AFF2: variants seen among roughly 807,000 people sequenced by gnomAD.
AFF2 encodes AF4/FMR2 family member 2.
Under a neutral mutation model 76.9 loss-of-function variants are expected in AFF2, and 14 were observed. That is an observed-to-expected ratio of 0.18 (90% CI 0.12 to 0.28). AFF2 has a LOEUF of 0.28. Among genes scored for constraint, AFF2 ranks in the 10% least tolerant of loss-of-function variants. AFF2 has a pLI of 1.00. For missense variants in AFF2, 868 were observed against 1,001.1 expected (o/e 0.87, Z 1.79); for synonymous variants, 398 against 366.7 (o/e 1.09, Z -0.98).
chrX:148,729,407 G>A (rs182441365), intron 3 of AFF2, among the ~76,000 whole-genome samples: 52 of 112,000 alleles, frequency 4.6e-4, no homozygotes, highest in African/African-American at 1.4e-3. Context: ...GGGCATGGTC[G>A]GGAAGGGAGA....
At chrX:148,927,671 A>C (rs1480349732) in intron 9 of AFF2, among the ~76,000 whole-genome samples, 1 of 111,915 alleles carries the variant, frequency 8.9e-6, no homozygotes, top group African/African-American at 3.2e-5. Flanking sequence ...GCTCACAGGC[A>C]AGAGGGATGT....
Position 148,953,561 on chromosome X carries a change from T to C in AFF2, c.1398-19T>C, listed in dbSNP as rs2071994532. ...TTTGAGAGTAAATGAGGCAATGAAT[T>C]ATGTTGTTTTTCTTTCAGCCCACCC... is the stretch of plus-strand genomic sequence containing the variant. On this transcript the variant is annotated intron_variant, in intron 9 of 20. Coordinates refer to ENST00000370460, the MANE Select transcript of AFF2 (RefSeq NM_002025.4). 1.7e-6 allele frequency: 2 copies of C among 1,196,056 alleles called. No individual in the cohort carries two copies. The highest frequency in any genetic ancestry group is 2.3e-6 in the Non-Finnish European group (2 of 887,539).
intron 3 of AFF2, among the ~76,000 whole-genome samples, chrX:148,707,361 T>G (rs1557262486): frequency 9.0e-6 from 1 of 111,501 alleles, no homozygotes; most frequent in Non-Finnish European, 1.9e-5. Flanking sequence ...GGCATTAACA[T>G]ATTAATCTTT....
At chrX:148,575,105 A>G (rs2053273373) in intron 1 of AFF2, among the ~76,000 whole-genome samples, 2 of 110,655 alleles carry the variant, frequency 1.8e-5, no homozygotes, top group African/African-American at 6.6e-5. Context: ...TACCTAGCAG[A>G]TTCAATAGGT....
intron 1 of AFF2, among the ~76,000 whole-genome samples, chrX:148,570,566 A>G (rs1229070525): frequency 9.0e-6 from 1 of 111,713 alleles, no homozygotes; most frequent in Non-Finnish European, 1.9e-5. Context: ...CAATCCTTCT[A>G]CCTGAGACAC....
chrX:148,772,822 A>G (rs2069606512), intron 3 of AFF2, among the ~76,000 whole-genome samples: 1 of 111,241 alleles, frequency 9.0e-6, no homozygotes, highest in African/African-American at 3.3e-5. Context: ...TGAGCAGCAA[A>G]TAATAACTAA....
chrX:148,812,494 C>G lies in AFF2; in HGVS notation c.1086+2574C>G, dbSNP rs142051544. On this transcript the variant is annotated intron_variant, in intron 4 of 20. Coordinates refer to ENST00000370460, the MANE Select transcript of AFF2 (RefSeq NM_002025.4). ...TTCAGTTTCTTCATCTAGAAGCATGCGCTAGTTATTACCCCGCCCATCTCT... is the reference window on the plus strand; with the variant it reads ...TTCAGTTTCTTCATCTAGAAGCATGGGCTAGTTATTACCCCGCCCATCTCT... 3.3e-3 allele frequency among the ~76,000 whole-genome samples: 363 copies of G among 111,001 alleles called. 2 individuals carry two copies. The highest frequency in any genetic ancestry group is 0.011 in the African/African-American group (340 of 30,546).
At chrX:148,748,587 A>T (rs1381025582) in intron 3 of AFF2, among the ~76,000 whole-genome samples, 2 of 111,828 alleles carry the variant, frequency 1.8e-5, no homozygotes, top group Non-Finnish European at 3.8e-5. Context: ...TTCCAATATA[A>T]GCAGTCAGTG....
At chrX:148,963,911 T>C (rs967233297) in intron 13 of AFF2, among the ~76,000 whole-genome samples, 19 of 112,180 alleles carry the variant, frequency 1.7e-4, no homozygotes, top group African/African-American at 6.2e-4. Context: ...CTTTATTTTC[T>C]TCGTATCCAT....
At chrX:148,641,055 A>C (rs1046026323) in intron 1 of AFF2, among the ~76,000 whole-genome samples, 13 of 111,726 alleles carry the variant, frequency 1.2e-4, no homozygotes, top group Non-Finnish European at 2.3e-4. Context: ...TCTGCACTGC[A>C]ATTGTTTTGG....
At chrX:148,919,952 C>A (rs782332142) in intron 9 of AFF2, among the ~76,000 whole-genome samples, 1 of 112,001 alleles carries the variant, frequency 8.9e-6, no homozygotes, top group South Asian at 3.7e-4. Flanking sequence ...AAATTATGTT[C>A]TTGGATTTGG....
intron 8 of AFF2, among the ~76,000 whole-genome samples, chrX:148,895,312 A>G (rs1385033083): frequency 1.2e-4 from 13 of 111,701 alleles, no homozygotes; most frequent in Non-Finnish European, 3.8e-5. Context: ...CAGGGAACCA[A>G]GTTACAATTG....
chrX:148,891,912 A>G lies in AFF2; in HGVS notation c.1359+5927A>G, dbSNP rs181708180. 5.3e-5 allele frequency among the ~76,000 whole-genome samples: 6 copies of G among 112,226 alleles called. 1 individual carries two copies. In the East Asian group the frequency reaches 1.7e-3, roughly 32 times the overall value. On this transcript the variant is annotated intron_variant, in intron 8 of 20. Transcript: ENST00000370460. ...ATGAATTAGATTGAAATATTAGATGACTTCATTTAGCACAGTTAGAAGTTC... is the reference window on the plus strand; with the variant it reads ...ATGAATTAGATTGAAATATTAGATGGCTTCATTTAGCACAGTTAGAAGTTC...
At chrX:148,986,081 T>G (rs192254562) in intron 19 of AFF2, among the ~76,000 whole-genome samples, 94 of 74,134 alleles carry the variant, frequency 1.3e-3, no homozygotes, top group African/African-American at 5.1e-3. Flanking sequence ...AAAACTAGAG[T>G]TGCCAACAAT....
intron 1 of AFF2, among the ~76,000 whole-genome samples, chrX:148,543,136 G>A (rs985645889): frequency 1.8e-5 from 2 of 111,433 alleles, no homozygotes; most frequent in Non-Finnish European, 3.8e-5. Context: ...TGGAACAGCA[G>A]CATCGACCTC....
intron 9 of AFF2, among the ~76,000 whole-genome samples, chrX:148,921,232 A>G (rs7060486): frequency 0.096 from 10,706 of 112,055 alleles, 1,225 homozygotes; most frequent in African/African-American, 0.33. Flanking sequence ...GGGGATTTTG[A>G]GATCATTACA....
rs782589327 is a variant in AFF2, at chrX:148,661,948, C to T, written c.221C>T (p.Thr74Met). 7.5e-6 allele frequency: 9 copies of T among 1,205,734 alleles called. No individual in the cohort carries two copies. The South Asian group carries it at 1.1e-4, about 14-fold the overall frequency. ...GDALANRVQN[T>M]LGNYDEMKNL... is the part of the protein sequence containing the mutation. The stretch of plus-strand genomic sequence containing the variant: ...GCACTTGCCAACCGAGTCCAGAACA[C>T]GCTTGGAAACTATGATGAAATGAAG... Residue 74 changes from threonine to methionine, a missense_variant, in exon 3 of 21, where the codon ACG (threonine) becomes ATG (methionine). By Grantham distance (81) the Thr-to-Met change is moderately conservative. Around this residue, in one of 6 missense-constraint regions of AFF2, gnomAD observed 196 missense variants for 194.8 expected, o/e 1.01. Transcript: ENST00000370460.
chrX:148,873,526 A>T (rs1165476569), intron 7 of AFF2, among the ~76,000 whole-genome samples: 3 of 106,952 alleles, frequency 2.8e-5, no homozygotes, highest in Non-Finnish European at 5.8e-5. Context: ...TCCTTATCAG[A>T]TATATGACCC....
At chrX:148,963,724 G>A (rs781926058) in intron 13 of AFF2, among the ~76,000 whole-genome samples, 1 of 111,694 alleles carries the variant, frequency 9.0e-6, no homozygotes, top group South Asian at 3.8e-4. Context: ...GTGGGTGGTG[G>A]ATGTAATGTT....
Sources: allele counts gnomAD v4.1 joint callset (sites outside exome capture counted in the v4.1 genomes callset), GRCh38; gene constraint gnomAD v4.1.1; regional missense constraint gnomAD v4.1.1; transcripts MANE v1.5; gene names NCBI Gene and HGNC (gene_info 2026-07-23, HGNC 2026-07-21).